Variants in GUCY1A2 observed in about 807,000 individuals in gnomAD.
GUCY1A2 encodes the protein guanylate cyclase 1 soluble subunit alpha 2.
GUCY1A2 carries 27 observed loss-of-function variants against 63.5 expected under a neutral mutation model. The ratio of observed to expected loss-of-function variants is 0.43; its 90% CI spans 0.31 to 0.59. The LOEUF (loss-of-function observed/expected upper bound fraction) is 0.59. Among genes scored for constraint, GUCY1A2 ranks in the 20% least tolerant of loss-of-function variants. GUCY1A2 has a pLI of 0.11. For missense variants in GUCY1A2, 768 were observed against 913.3 expected, an observed-to-expected ratio of 0.84 and a Z score of 2.05; for synonymous variants, 364 against 343.5, an observed-to-expected ratio of 1.06 and a Z score of -0.66.
chr11:106,934,907 C>T (rs1481461793), intron 4 of GUCY1A2, among the ~76,000 whole-genome samples: 1 of 152,078 alleles, frequency 6.6e-6, no homozygotes, highest in Non-Finnish European at 1.5e-5. Flanking sequence ...TCAGGTTGTG[C>T]CTAAGTTAAC....
At position 106,885,743 on chromosome 11, in the gene GUCY1A2, G is replaced by C. The variant is rs543472256; in HGVS notation, c.1206+53717C>G. Among the ~76,000 whole-genome samples the C allele has an allele frequency of 3.3e-5, 5 of 152,198 alleles. No homozygotes were observed. In the South Asian group the frequency reaches 8.3e-4, roughly 25 times the overall value. The stretch of plus-strand genomic sequence containing the variant: ...AGATAACAAGTGTGAATGTACTTTT[G>C]TAAATGTTTTTAAAGCTCTATACAA... On this transcript the variant is annotated intron_variant, in intron 4 of 7. Coordinates refer to ENST00000526355, the MANE Select transcript of GUCY1A2 (RefSeq NM_000855.3).
intron 6 of GUCY1A2, among the ~76,000 whole-genome samples, chr11:106,772,777 A>G (rs1864280512): frequency 6.6e-6 from 1 of 152,186 alleles, no homozygotes; most frequent in African/African-American, 2.4e-5. Context: ...AACATCAAAA[A>G]CAATCCCAAA....
chr11:106,997,175 G>T (rs1378684409), intron 1 of GUCY1A2, among the ~76,000 whole-genome samples: 2 of 152,104 alleles, frequency 1.3e-5, no homozygotes, highest in East Asian at 3.9e-4. Context: ...ATACATGGAT[G>T]TATGGGTATG....
chr11:106,864,352 T>A (rs1859559415), intron 4 of GUCY1A2, among the ~76,000 whole-genome samples: 1 of 152,102 alleles, frequency 6.6e-6, no homozygotes, highest in Admixed American at 6.6e-5. Flanking sequence ...TATACAATCA[T>A]GTCATCTGCA....
At position 106,850,837 on chromosome 11, in the gene GUCY1A2, G is replaced by A. The variant is rs1003317077; in HGVS notation, c.1207-40359C>T. ...AGCAACTTTTTAATATCCTGACTTC[G>A]CTGGCTTTGGATAAATACTCAGTAG... On this transcript the variant is annotated intron_variant, in intron 4 of 7. Transcript: ENST00000526355. Among the ~76,000 whole-genome samples the A allele has an allele frequency of 3.3e-5, 5 of 151,762 alleles. No homozygotes were observed. The South Asian group carries it at 1.0e-3, about 31-fold the overall frequency.
intron 6 of GUCY1A2, among the ~76,000 whole-genome samples, chr11:106,724,417 C>T (rs1863368682): frequency 6.6e-6 from 1 of 152,178 alleles, no homozygotes; most frequent in African/African-American, 2.4e-5. Flanking sequence ...TGGCTCCAAT[C>T]CCTGAATCTG....
chr11:107,012,732 C>A (rs2120215210), intron 1 of GUCY1A2, among the ~76,000 whole-genome samples: 1 of 152,266 alleles, frequency 6.6e-6, no homozygotes, highest in Non-Finnish European at 1.5e-5. Context: ...CTATTTTCAA[C>A]AAATGTGAAA....
chr11:107,005,944 T>A (rs928039823), intron 1 of GUCY1A2, among the ~76,000 whole-genome samples: 2 of 152,310 alleles, frequency 1.3e-5, no homozygotes, highest in Middle Eastern at 3.4e-3. Context: ...CTAGAGGTAA[T>A]TGAAAGTATC....
chr11:106,942,202 T>C (rs1023285491), intron 3 of GUCY1A2, among the ~76,000 whole-genome samples: 29 of 152,166 alleles, frequency 1.9e-4, no homozygotes, highest in Non-Finnish European at 3.1e-4. Flanking sequence ...CTTAACCTTG[T>C]TTGCTGTTTT....
chr11:106,946,432 T>C (rs1053874387), intron 3 of GUCY1A2, among the ~76,000 whole-genome samples: 1 of 151,904 alleles, frequency 6.6e-6, no homozygotes, highest in African/African-American at 2.4e-5. Flanking sequence ...TAAATGTAAA[T>C]GAATAAATCA....
intron 4 of GUCY1A2, among the ~76,000 whole-genome samples, chr11:106,817,600 A>G (rs753893692): frequency 9.9e-5 from 15 of 152,210 alleles, no homozygotes; most frequent in Non-Finnish European, 2.1e-4. Context: ...TGCAAACCAT[A>G]TATCTTACAA....
chr11:106,853,549 A>C (rs1013804779), intron 4 of GUCY1A2, among the ~76,000 whole-genome samples: 1 of 151,850 alleles, frequency 6.6e-6, no homozygotes, highest in South Asian at 2.1e-4. Flanking sequence ...GCCATAAATT[A>C]TTTTTCTTAT....
intron 6 of GUCY1A2, among the ~76,000 whole-genome samples, chr11:106,752,795 T>C (rs1863906652): frequency 6.6e-6 from 1 of 152,182 alleles, no homozygotes; most frequent in South Asian, 2.1e-4. Context: ...GACTTTGCTA[T>C]TGTGAACAGT....
intron 1 of GUCY1A2, among the ~76,000 whole-genome samples, chr11:106,988,499 G>T (rs1271235208): frequency 6.6e-6 from 1 of 152,076 alleles, no homozygotes. Context: ...GAATTTCCCA[G>T]TCATTAAAAA....
At chr11:106,810,536 TTAATA>T (rs1858749711) in intron 4 of GUCY1A2, 58 bp from the exon 5 acceptor site, 1 of 1,387,184 alleles carries the variant, frequency 7.2e-7, no homozygotes, top group Admixed American at 2.3e-5. Flanking sequence ...TTCACAAAAT[TTAATA>T]TATTATCTGA....
intron 4 of GUCY1A2, among the ~76,000 whole-genome samples, chr11:106,871,684 A>C (rs1859680094): frequency 6.6e-6 from 1 of 152,202 alleles, no homozygotes; most frequent in Admixed American, 6.6e-5. Context: ...TTCACATGGA[A>C]AATGAAATGG....
intron 4 of GUCY1A2, among the ~76,000 whole-genome samples, chr11:106,838,036 C>G (rs180869353): frequency 6.6e-6 from 1 of 151,916 alleles, no homozygotes. Flanking sequence ...GAAAAATGTG[C>G]TTTTCTCCAA....
intron 4 of GUCY1A2, among the ~76,000 whole-genome samples, chr11:106,818,840 C>G (rs1029456105): frequency 6.6e-6 from 1 of 152,096 alleles, no homozygotes. Flanking sequence ...ATCAAATCAG[C>G]CATTACATTC....
intron 4 of GUCY1A2, among the ~76,000 whole-genome samples, chr11:106,830,443 G>A (rs890301686): frequency 2.6e-5 from 4 of 152,184 alleles, no homozygotes; most frequent in Non-Finnish European, 5.9e-5. Context: ...TGTTGCCAAA[G>A]GAGATTAACA....
Sources: allele counts gnomAD v4.1 joint callset (sites outside exome capture counted in the v4.1 genomes callset), GRCh38; gene constraint gnomAD v4.1.1; transcripts MANE v1.5; gene names NCBI Gene and HGNC (gene_info 2026-07-23, HGNC 2026-07-21).